Variants in RALYL observed in about 807,000 individuals in gnomAD.
RALYL encodes the protein RNA-binding Raly-like protein.
In RALYL, 29 loss-of-function variants were observed where a neutral mutation model predicts 35.1. The observed-to-expected ratio is 0.83, with a 90% CI of 0.61 to 1.13. The LOEUF is 1.13. RALYL is among the 50% of genes most tolerant of loss of function. RALYL has a pLI of 0.00. For synonymous variants in RALYL, 120 were observed against 127.6 expected (o/e 0.94, Z 0.40); for missense variants, 359 against 360.4 (o/e 1.00, Z 0.03).
At chr8:84,506,390 C>CATATTT (rs5892922) in intron 1 of RALYL, among the ~76,000 whole-genome samples, 145,749 of 151,870 alleles carry the variant, frequency 0.96, 69,979 homozygotes, top group East Asian at 1. Context: ...TGATTACATC[C>CATATTT]ATAAGTTAAT....
chr8:84,755,720 G>C (rs1330327712), intron 2 of RALYL, among the ~76,000 whole-genome samples: 1 of 151,756 alleles, frequency 6.6e-6, no homozygotes, highest in African/African-American at 2.4e-5. Context: ...TTATACAAAG[G>C]TGATAATAGA....
At chr8:84,359,391 G>T (rs1277665076) in intron 1 of RALYL, among the ~76,000 whole-genome samples, 1 of 151,782 alleles carries the variant, frequency 6.6e-6, no homozygotes, top group Non-Finnish European at 1.5e-5. Flanking sequence ...TACTTGCAGG[G>T]TCAAAGATAA....
intron 2 of RALYL, among the ~76,000 whole-genome samples, chr8:84,772,211 G>T (rs931266368): frequency 6.6e-6 from 1 of 151,818 alleles, no homozygotes; most frequent in Admixed American, 6.6e-5. Flanking sequence ...CATGTTCATT[G>T]GTCCCTTTCC....
At chr8:84,686,303 G>A (rs552722037) in intron 2 of RALYL, among the ~76,000 whole-genome samples, 3 of 152,232 alleles carry the variant, frequency 2.0e-5, no homozygotes, top group African/African-American at 7.2e-5. Context: ...ACCAGGCCAA[G>A]GAAACAACAT....
chr8:84,223,485 A>G (rs951461699), intron 1 of RALYL, among the ~76,000 whole-genome samples: 10 of 152,156 alleles, frequency 6.6e-5, no homozygotes, highest in African/African-American at 1.9e-4. Flanking sequence ...AATATTCACT[A>G]TAAGAAAAGG....
intron 2 of RALYL, among the ~76,000 whole-genome samples, chr8:84,768,274 G>A (rs1052074507): frequency 6.6e-6 from 1 of 152,152 alleles, no homozygotes; most frequent in South Asian, 2.1e-4. Context: ...TGAGGCATGA[G>A]AACCTAAGCC....
chr8:84,753,580 G>A (rs67135531), intron 2 of RALYL, among the ~76,000 whole-genome samples: 5 of 151,970 alleles, frequency 3.3e-5, no homozygotes, highest in Admixed American at 1.3e-4. Flanking sequence ...GGATCATGGG[G>A]ATGGCAGATT....
chr8:84,667,818 A>G (rs1366793980), intron 2 of RALYL, among the ~76,000 whole-genome samples: 2 of 152,074 alleles, frequency 1.3e-5, no homozygotes, highest in Non-Finnish European at 2.9e-5. Context: ...AGTCAGCCCA[A>G]CAAGTAACTT....
chr8:84,704,677 C>A (rs916447602), intron 2 of RALYL, among the ~76,000 whole-genome samples: 2 of 152,094 alleles, frequency 1.3e-5, no homozygotes, highest in Admixed American at 1.3e-4. Flanking sequence ...AAGATATAAC[C>A]ATAGGGGTCT....
intron 2 of RALYL, among the ~76,000 whole-genome samples, chr8:84,630,913 AAGG>A (rs1161451090): frequency 6.6e-6 from 1 of 152,076 alleles, no homozygotes; most frequent in Non-Finnish European, 1.5e-5. Context: ...TTATAAAATT[AAGG>A]AGATTTGGAG....
chr8:84,874,735 G>C (rs1338849688), intron 7 of RALYL, among the ~76,000 whole-genome samples: 1 of 152,204 alleles, frequency 6.6e-6, no homozygotes, highest in Non-Finnish European at 1.5e-5. Flanking sequence ...TCAAATCGCT[G>C]TATACCACAT....
At chr8:84,748,357 A>G (rs1809157357) in intron 2 of RALYL, among the ~76,000 whole-genome samples, 1 of 152,030 alleles carries the variant, frequency 6.6e-6, no homozygotes, top group African/African-American at 2.4e-5. Flanking sequence ...GATAATATGG[A>G]TGAAAGATGG....
intron 8 of RALYL, among the ~76,000 whole-genome samples, chr8:84,920,491 C>A (rs1396026148): frequency 6.6e-6 from 1 of 152,042 alleles, no homozygotes; most frequent in Non-Finnish European, 1.5e-5. Flanking sequence ...CTTAGGACAG[C>A]ACTGTTCAAA....
intron 1 of RALYL, among the ~76,000 whole-genome samples, chr8:84,238,567 C>T (rs576841658): frequency 6.6e-6 from 1 of 152,184 alleles, no homozygotes; most frequent in African/African-American, 2.4e-5. Flanking sequence ...TAGAGAGAAA[C>T]TTGTTATTTT....
At chr8:84,576,252 A>G (rs1410863595) in intron 2 of RALYL, among the ~76,000 whole-genome samples, 1 of 152,212 alleles carries the variant, frequency 6.6e-6, no homozygotes, top group Non-Finnish European at 1.5e-5. Flanking sequence ...TAGTTTCTTT[A>G]TCCTATGAAT....
At chr8:84,410,540 T>C (rs1160446827) in intron 1 of RALYL, among the ~76,000 whole-genome samples, 1 of 151,914 alleles carries the variant, frequency 6.6e-6, no homozygotes, top group Non-Finnish European at 1.5e-5. Context: ...TTTTGGATAA[T>C]TTTTTCCAAA....
intron 8 of RALYL, among the ~76,000 whole-genome samples, chr8:84,912,777 T>G (rs1433117896): frequency 6.6e-6 from 1 of 152,178 alleles, no homozygotes; most frequent in East Asian, 1.9e-4. Flanking sequence ...TTCTGTCATG[T>G]TGATTTCAAA....
chr8:84,397,097 A>T (rs936945912), intron 1 of RALYL, among the ~76,000 whole-genome samples: 2 of 152,122 alleles, frequency 1.3e-5, no homozygotes, highest in African/African-American at 4.8e-5. Context: ...AGGATCAAAG[A>T]CAGAAGGAAA....
intron 2 of RALYL, among the ~76,000 whole-genome samples, chr8:84,727,370 C>T (rs1845164960): frequency 2.0e-5 from 3 of 152,024 alleles, no homozygotes; most frequent in Admixed American, 1.3e-4. Flanking sequence ...CGATTTCCCC[C>T]AAAATTGATG....
Sources: gnomAD v4.1 joint callset for allele counts (sites outside exome capture counted in the v4.1 genomes callset) on GRCh38, gnomAD v4.1.1 for gene constraint, MANE v1.5 for transcripts, NCBI Gene and HGNC (gene_info 2026-07-23, HGNC 2026-07-21) for gene names.